The following PACRG variants were observed in gnomAD, a reference collection of about 807,000 sequenced individuals.
PACRG encodes the protein parkin coregulated gene protein.
A neutral mutation model predicts 29.7 loss-of-function variants in PACRG; 29 were observed. The ratio of observed to expected loss-of-function variants is 0.98; its 90% CI spans 0.73 to 1.33. PACRG has a LOEUF of 1.33. PACRG is among the 40% of genes most tolerant of loss of function. The pLI, the probability that PACRG is intolerant of heterozygous loss-of-function variation, is 0.00. For synonymous variants in PACRG, 116 were observed against 118.7 expected, an observed-to-expected ratio of 0.98 and a Z score of 0.15; for missense variants, 279 against 316.2, an observed-to-expected ratio of 0.88 and a Z score of 0.89.
At chr6:162,962,664 C>T (rs1159149511) in intron 2 of PACRG, among the ~76,000 whole-genome samples, 2 of 152,148 alleles carry the variant, frequency 1.3e-5, no homozygotes, top group Admixed American at 6.5e-5. Flanking sequence ...CATCAGGAAC[C>T]ACATCTGCCA....
chr6:163,268,931 G>A (rs1164851730), intron 4 of PACRG, among the ~76,000 whole-genome samples: 2 of 152,106 alleles, frequency 1.3e-5, no homozygotes, highest in Admixed American at 1.3e-4. Flanking sequence ...GTGATTATAA[G>A]GTTTTCAAAT....
At chr6:163,200,756 T>G (rs1414348726) in intron 4 of PACRG, among the ~76,000 whole-genome samples, 1 of 152,236 alleles carries the variant, frequency 6.6e-6, no homozygotes, top group African/African-American at 2.4e-5. Context: ...TTTAGATACC[T>G]TTTTAATAGG....
chr6:163,204,707 A>G (rs1214021401), intron 4 of PACRG, among the ~76,000 whole-genome samples: 1 of 152,194 alleles, frequency 6.6e-6, no homozygotes, highest in Non-Finnish European at 1.5e-5. Context: ...GAGGTGCATA[A>G]GAAATGTTTC....
intron 4 of PACRG, among the ~76,000 whole-genome samples, chr6:163,309,784 C>T (rs112246424): frequency 1.9e-3 from 282 of 152,340 alleles, no homozygotes; most frequent in African/African-American, 6.2e-3. Context: ...ACAACTCTGC[C>T]TTCCCCGGTG....
intron 2 of PACRG, among the ~76,000 whole-genome samples, chr6:162,918,293 G>A (rs1796834521): frequency 6.6e-6 from 1 of 152,134 alleles, no homozygotes; most frequent in African/African-American, 2.4e-5. Flanking sequence ...AAGTGCATGT[G>A]ACGTCCATAT....
chr6:163,252,581 C>T lies in PACRG; in HGVS notation c.614-62246C>T, dbSNP rs368843138. On this transcript the variant is annotated intron_variant, in intron 4 of 4. Coordinates refer to ENST00000366888, the MANE Select transcript of PACRG (RefSeq NM_001080379.2). ...CAGGCGGGGCTCACCGTGCAGAGTC[C>T]GTGACTGTCATCTTTCCACTCCTAA... Among the ~76,000 whole-genome samples, 8 of 152,298 alleles carry T rather than the reference C, an allele frequency of 5.3e-5. No individual in the cohort carries two copies. The East Asian group carries it at 1.4e-3, about 26-fold the overall frequency.
chr6:162,997,617 T>A, intron 2 of PACRG: 2 of 281,202 alleles, frequency 7.1e-6, no homozygotes, highest in Non-Finnish European at 1.4e-5. Context: ...AGCAACGCAG[T>A]GGTAAAGAAG....
chr6:163,162,798 A>T (rs1389323375), intron 4 of PACRG, among the ~76,000 whole-genome samples: 1 of 152,246 alleles, frequency 6.6e-6, no homozygotes, highest in Admixed American at 6.5e-5. Context: ...AGAGCTGGCC[A>T]GCCGTAAAGG....
chr6:163,191,489 C>G (rs1780211632), intron 4 of PACRG: 1 of 368,720 alleles, frequency 2.7e-6, no homozygotes, highest in South Asian at 2.0e-5. Context: ...GTCACAGCCT[C>G]TCTGTGACCT....
intron 4 of PACRG, chr6:163,165,374 C>T (rs1778751347): frequency 6.6e-6 from 1 of 152,194 alleles, no homozygotes; most frequent in African/African-American, 2.4e-5. Flanking sequence ...CGGAAAGGGC[C>T]CTGGGGGAGA....
chr6:163,243,622 A>T (rs897732657), intron 4 of PACRG, among the ~76,000 whole-genome samples: 3 of 152,094 alleles, frequency 2.0e-5, no homozygotes, highest in African/African-American at 7.2e-5. Context: ...CTGGGTCCTC[A>T]GTCACCACCT....
At chr6:162,779,380 A>G (rs1783912797) in intron 1 of PACRG, among the ~76,000 whole-genome samples, 1 of 152,228 alleles carries the variant, frequency 6.6e-6, no homozygotes. Flanking sequence ...CCTTATCTAC[A>G]GTGCTGGGTT....
chr6:162,877,451 G>A (rs1322808515), intron 2 of PACRG, among the ~76,000 whole-genome samples: 2 of 152,084 alleles, frequency 1.3e-5, no homozygotes, highest in Non-Finnish European at 2.9e-5. Flanking sequence ...TGGGGGCTAG[G>A]GGAGGGATAG....
chr6:163,169,477 C>A (rs1778965030), intron 4 of PACRG, among the ~76,000 whole-genome samples: 2 of 152,098 alleles, frequency 1.3e-5, no homozygotes. Flanking sequence ...ACGAGAGGTG[C>A]GGGTTGGGAA....
chr6:163,152,563 A>G (rs1178304677), intron 4 of PACRG, among the ~76,000 whole-genome samples: 5 of 152,208 alleles, frequency 3.3e-5, no homozygotes, highest in East Asian at 1.9e-4. Flanking sequence ...AAGGACCTCA[A>G]TGTATAACTA....
In PACRG at chr6:163,315,259, T is replaced by G; in HGVS notation, c.*272T>G. On this transcript the variant is annotated 3_prime_UTR_variant, in exon 5 of 5. Transcript: ENST00000366888. ...TATACAGCTCCGACAGAAGCAGGAG[T>G]CCGAGTTAAACCTTCAGTTGTATAG... The G allele has an allele frequency of 3.2e-6, 1 of 317,352 alleles. No individual in the cohort carries two copies. Among genetic ancestry groups the G allele is most frequent in the Non-Finnish European group, 5.7e-6 (1 of 174,148 alleles). 19.7% of individuals were successfully genotyped at this position (317,352 alleles called of 1,614,324 possible). A position where few individuals can be genotyped will look rare whatever the true frequency, so the allele number is the denominator to read the frequency against.
intron 4 of PACRG, among the ~76,000 whole-genome samples, chr6:163,203,632 A>C (rs955439250): frequency 1.1e-4 from 16 of 152,244 alleles, no homozygotes; most frequent in African/African-American, 3.9e-4. Flanking sequence ...GAAGGAGAAG[A>C]TAATCCGCTC....
intron 2 of PACRG, among the ~76,000 whole-genome samples, chr6:162,847,128 TGATGCTCC>T (rs1790473030): frequency 6.6e-6 from 1 of 151,174 alleles, no homozygotes; most frequent in Non-Finnish European, 1.5e-5. Context: ...CCCCACACTG[TGATGCTCC>T]CCACACTGAC....
intron 4 of PACRG, among the ~76,000 whole-genome samples, chr6:163,258,688 C>T (rs1218385233): frequency 6.7e-6 from 1 of 149,226 alleles, no homozygotes; most frequent in East Asian, 2.0e-4. Flanking sequence ...ACCTGGGAGG[C>T]GGAGCTTGCA....
Sources: gnomAD v4.1 joint callset for allele counts (sites outside exome capture counted in the v4.1 genomes callset) on GRCh38, gnomAD v4.1.1 for gene constraint, MANE v1.5 for transcripts, NCBI Gene and HGNC (gene_info 2026-07-23, HGNC 2026-07-21) for gene names.